Variants in LIPJ observed in about 807,000 individuals in gnomAD.
The protein encoded by LIPJ is lipase member J.
In LIPJ, 33 loss-of-function variants were observed where a neutral mutation model predicts 39.8. The ratio of observed to expected loss-of-function variants is 0.83; its 90% CI spans 0.63 to 1.11. The LOEUF is 1.11. Among genes scored for constraint, LIPJ ranks in the 50% least tolerant of loss-of-function variants. The pLI is 0.00. For synonymous variants in LIPJ, 128 were observed against 139.2 expected (o/e 0.92, Z 0.57); for missense variants, 422 against 427.9 (o/e 0.99, Z 0.12).
In LIPJ at chr10:88,605,734, C is replaced by T. The variant is rs368997719; in HGVS notation, c.867+30C>T. On this transcript the variant is annotated intron_variant, in intron 10 of 10. Transcript: ENST00000371939. ...ATAATTCTCTATAAAAACTCTCTAC[C>T]TTACTGACTTTTTCAGATAACTTTG... 6.8e-5 allele frequency: 98 copies of T among 1,434,050 alleles called. No individual in the cohort carries two copies. The African/African-American group carries it at 1.2e-3, about 18-fold the overall frequency. The allele number at this position is 1,434,050 out of a possible 1,614,324, so 88.8% of individuals were successfully genotyped here. A position where few individuals can be genotyped will look rare whatever the true frequency, so the allele number is the denominator to read the frequency against.
At chr10:88,605,227 G>A (rs538626434) in intron 9 of LIPJ, among the ~76,000 whole-genome samples, 2 of 152,196 alleles carry the variant, frequency 1.3e-5, no homozygotes, top group East Asian at 3.9e-4. Context: ...GTGACTTCTG[G>A]GACAAACTCT....
At chr10:88,602,088 GC>G (rs1179766261) in intron 8 of LIPJ, among the ~76,000 whole-genome samples, 1 of 152,066 alleles carries the variant, frequency 6.6e-6, no homozygotes, top group East Asian at 1.9e-4. Flanking sequence ...ACTTTGACAG[GC>G]CTTAGACTTT....
intron 8 of LIPJ, 21 bp from the exon 9 acceptor site, chr10:88,602,555 T>C (rs1851527728): frequency 7.3e-7 from 1 of 1,366,402 alleles, no homozygotes; most frequent in Non-Finnish European, 9.9e-7. Flanking sequence ...AAATGCTTTT[T>C]TTTTTTTTTT....
chr10:88,616,221 G>A, the LIPJ span, among the ~76,000 whole-genome samples: 334 of 152,278 alleles, frequency 2.2e-3, 1 homozygote, highest in African/African-American at 7.5e-3. Context: ...CCATTTGCCT[G>A]TTTTCCCCTG....
the LIPJ span, among the ~76,000 whole-genome samples, chr10:88,612,549 C>A: frequency 1.3e-5 from 2 of 152,020 alleles, no homozygotes; most frequent in African/African-American, 4.8e-5. Flanking sequence ...AAAGATATTC[C>A]ATGCAAATGG....
At chr10:88,599,617 T>C (rs1341032733) in intron 8 of LIPJ, among the ~76,000 whole-genome samples, 2 of 151,830 alleles carry the variant, frequency 1.3e-5, no homozygotes, top group Non-Finnish European at 2.9e-5. Context: ...TTCTTTTCTA[T>C]GGTTGATTAA....
intron 8 of LIPJ, among the ~76,000 whole-genome samples, chr10:88,600,056 A>G (rs990481094): frequency 2.0e-5 from 3 of 151,994 alleles, no homozygotes; most frequent in Admixed American, 6.6e-5. Flanking sequence ...GCTCTAAGAA[A>G]TATTTTTTAT....
intron 8 of LIPJ, among the ~76,000 whole-genome samples, chr10:88,599,975 A>G (rs1229598803): frequency 3.3e-5 from 5 of 151,408 alleles, no homozygotes; most frequent in Non-Finnish European, 7.4e-5. Flanking sequence ...TTTATTTCAC[A>G]TTTCTTGACT....
chr10:88,596,703 T>C, intron 7 of LIPJ, 87 bp from the exon 8 acceptor site: 1 of 1,186,062 alleles, frequency 8.4e-7, no homozygotes, highest in Non-Finnish European at 1.2e-6. Flanking sequence ...ATAATTTATT[T>C]GGTTTTATAG....
At chr10:88,596,412 T>A (rs757933467) in exon 7 of LIPJ, 2 of 1,528,524 alleles carry the variant, frequency 1.3e-6, no homozygotes, top group Non-Finnish European at 1.8e-6. Context: ...AAGTCAATAG[T>A]CATGGTATGT....
chr10:88,621,121 C>T, the LIPJ span, among the ~76,000 whole-genome samples: 252 of 152,168 alleles, frequency 1.7e-3, no homozygotes, highest in African/African-American at 5.8e-3. Context: ...GGAATGCAAA[C>T]GTTCAATTCA....
At chr10:88,583,024 C>CCT, upstream of LIPJ, 1 of 1,589,320 alleles carries the variant, frequency 6.3e-7, no homozygotes, top group Non-Finnish European at 8.6e-7. Flanking sequence ...ACCTCAGCAG[C>CCT]CTGCCCGGCA....
chr10:88,620,095 T>C, the LIPJ span, among the ~76,000 whole-genome samples: 1 of 152,068 alleles, frequency 6.6e-6, no homozygotes, highest in African/African-American at 2.4e-5. Flanking sequence ...ATTTGAATTA[T>C]GGGAAAACTT....
chr10:88,604,304 G>C (rs1014331666), intron 9 of LIPJ, among the ~76,000 whole-genome samples: 6 of 152,190 alleles, frequency 3.9e-5, no homozygotes, highest in Admixed American at 1.3e-4. Context: ...TAAGGACTTT[G>C]GCATTCACTC....
At chr10:88,605,493 AAAG>A in intron 9 of LIPJ, 137 bp from the exon 10 acceptor site, 2 of 669,906 alleles carry the variant, frequency 3.0e-6, no homozygotes, top group South Asian at 1.7e-5. Flanking sequence ...ATCCAAAGGA[AAAG>A]AAGAACGAAG....
intron 4 of LIPJ, 120 bp downstream of exon 4, chr10:88,591,618 C>A (rs1223506871): frequency 1.2e-6 from 1 of 800,082 alleles, no homozygotes; most frequent in African/African-American, 1.8e-5. Flanking sequence ...AGTTAACTTC[C>A]CATGTATCTT....
intron 3 of LIPJ, 73 bp downstream of exon 3, chr10:88,590,769 C>A: frequency 1.8e-6 from 2 of 1,138,698 alleles, no homozygotes; most frequent in Non-Finnish European, 2.6e-6. Flanking sequence ...GGAATTTTAA[C>A]TTAATAGATT....
chr10:88,593,950 G>A lies in LIPJ; in HGVS notation c.135G>A (p.Gln45=), dbSNP rs570432049. The A allele has an allele frequency of 3.7e-6, 6 of 1,610,054 alleles. No individual in the cohort carries two copies. The South Asian group carries it at 6.6e-5, about 18-fold the overall frequency. The change falls in exon 5 of 11, where the codon CAG becomes CAA. Residue 45 remains glutamine, a synonymous_variant. Transcript: ENST00000371939. ...CTTTCTACATTTTTTTCTCAGCTCA[G>A]AGGGTTGTTGTATACTTGCAACATG...
At chr10:88,590,455 C>A in intron 2 of LIPJ, 130 bp from the exon 3 acceptor site, 1 of 412,096 alleles carries the variant, frequency 2.4e-6, no homozygotes, top group South Asian at 2.5e-5. Context: ...TTATTTAATT[C>A]TTCAAAGCCT....
Sources: allele counts gnomAD v4.1 joint callset (sites outside exome capture counted in the v4.1 genomes callset), GRCh38; gene constraint gnomAD v4.1.1; transcripts MANE v1.5; gene names NCBI Gene and HGNC (gene_info 2026-07-23, HGNC 2026-07-21).